Variants in PTPRD observed in about 807,000 individuals in gnomAD.
PTPRD encodes the protein receptor-type tyrosine-protein phosphatase delta.
PTPRD carries 34 observed loss-of-function variants against 214.5 expected under a neutral mutation model. The ratio of observed to expected loss-of-function variants is 0.16; its 90% CI spans 0.12 to 0.21. The LOEUF (loss-of-function observed/expected upper bound fraction) is 0.21, where lower values mean the gene tolerates loss of function less well. Ranked by LOEUF, PTPRD falls within the 10% of genes least tolerant of loss-of-function variation. PTPRD has a pLI of 1.00. For missense variants in PTPRD, 2,545 were observed against 2,398.7 expected (o/e 1.06, Z -1.27); for synonymous variants, 1,128 against 845.7 (o/e 1.33, Z -5.79).
intron 10 of PTPRD, among the ~76,000 whole-genome samples, chr9:9,153,690 T>C (rs916333875): frequency 2.6e-5 from 4 of 152,184 alleles, no homozygotes; most frequent in Non-Finnish European, 4.4e-5. Flanking sequence ...TAATATGAAA[T>C]ATATTTGGTA....
intron 2 of PTPRD, among the ~76,000 whole-genome samples, chr9:10,436,692 A>C (rs997317413): frequency 6.6e-6 from 1 of 151,750 alleles, no homozygotes; most frequent in African/African-American, 2.4e-5. Context: ...AATCAATTAA[A>C]ATTATTTAAA....
chr9:10,269,646 T>A (rs2094306746), intron 3 of PTPRD, among the ~76,000 whole-genome samples: 1 of 152,156 alleles, frequency 6.6e-6, no homozygotes, highest in Non-Finnish European at 1.5e-5. Context: ...CAGAGTGCTG[T>A]CTTGTAGAAA....
intron 3 of PTPRD, among the ~76,000 whole-genome samples, chr9:10,177,957 CCA>C (rs1437256721): frequency 6.6e-6 from 1 of 151,796 alleles, no homozygotes; most frequent in African/African-American, 2.4e-5. Flanking sequence ...TGGGAGCAGT[CCA>C]GAGATAGGTG....
chr9:10,515,691 C>T (rs1312775513), intron 2 of PTPRD, among the ~76,000 whole-genome samples: 1 of 151,966 alleles, frequency 6.6e-6, no homozygotes, highest in Non-Finnish European at 1.5e-5. Flanking sequence ...ATCTCTAGAA[C>T]TTATTCATCT....
chr9:9,716,730 C>T lies in PTPRD; in HGVS notation c.-287+17803G>A, dbSNP rs369909746. 2.6e-5 allele frequency among the ~76,000 whole-genome samples: 4 copies of T among 152,048 alleles called. No individual in the cohort carries two copies. In the South Asian group the frequency reaches 8.3e-4, roughly 32 times the overall value. ...TTTTCTTGTAAATTTGTTTGAGTTCCTTGTAGATTCTGGATATTAGCCCTT... is the reference window on the plus strand; with the variant it reads ...TTTTCTTGTAAATTTGTTTGAGTTCTTTGTAGATTCTGGATATTAGCCCTT... On this transcript the variant is annotated intron_variant, in intron 7 of 45. Transcript: ENST00000381196.
At chr9:8,566,829 T>A (rs1307223679) in intron 14 of PTPRD, among the ~76,000 whole-genome samples, 2 of 152,202 alleles carry the variant, frequency 1.3e-5, no homozygotes, top group Admixed American at 6.5e-5. Flanking sequence ...CAAGGTATAT[T>A]GATGGTCAAA....
chr9:8,914,979 A>G (rs1034829640), intron 11 of PTPRD, among the ~76,000 whole-genome samples: 3 of 152,174 alleles, frequency 2.0e-5, no homozygotes, highest in Admixed American at 2.0e-4. Flanking sequence ...AAAAGGAACT[A>G]AATCACAAAA....
At chr9:9,647,792 C>A (rs1465307715) in intron 7 of PTPRD, among the ~76,000 whole-genome samples, 1 of 151,906 alleles carries the variant, frequency 6.6e-6, no homozygotes, top group Non-Finnish European at 1.5e-5. Context: ...TTGGGTATGC[C>A]CAAAATTTTA....
At chr9:10,263,602 A>C (rs189437330) in intron 3 of PTPRD, among the ~76,000 whole-genome samples, 160 of 152,294 alleles carry the variant, frequency 1.1e-3, no homozygotes, top group African/African-American at 3.7e-3. Flanking sequence ...CTGGCGGAAG[A>C]AATTTCTAGG....
Position 8,503,999 on chromosome 9 carries a change from C to A in PTPRD, c.1822+262G>T, listed in dbSNP as rs118145042. ...CAGGGCTTGATCTAACTCCTTTAAC[C>A]CACATTTCACCCATGGACGTCTACT... On this transcript the variant is annotated intron_variant, in intron 23 of 45. Transcript: ENST00000381196. Among the ~76,000 whole-genome samples, 1,210 of 152,242 alleles carry A rather than the reference C, an allele frequency of 7.9e-3. 6 individuals are homozygous for A. Among genetic ancestry groups the A allele is most frequent in the Non-Finnish European group, 0.011 (779 of 68,020 alleles).
intron 4 of PTPRD, among the ~76,000 whole-genome samples, chr9:10,031,723 G>A (rs1368402404): frequency 6.8e-6 from 1 of 147,578 alleles, no homozygotes; most frequent in African/African-American, 2.6e-5. Context: ...ACGTCTTTAA[G>A]GATTCACAGA....
chr9:9,973,319 A>G (rs2095218983), intron 4 of PTPRD, among the ~76,000 whole-genome samples: 1 of 151,628 alleles, frequency 6.6e-6, no homozygotes, highest in South Asian at 2.1e-4. Flanking sequence ...AAAAAAAAAA[A>G]AAATTACCCA....
intron 9 of PTPRD, among the ~76,000 whole-genome samples, chr9:9,297,123 G>A (rs1255421020): frequency 1.3e-5 from 2 of 151,598 alleles, no homozygotes; most frequent in African/African-American, 2.4e-5. Flanking sequence ...GAGAGTCAGG[G>A]GCCACAGTCT....
chr9:8,547,816 CAT>C (rs1319656888), intron 14 of PTPRD, among the ~76,000 whole-genome samples: 5 of 152,078 alleles, frequency 3.3e-5, no homozygotes, highest in African/African-American at 9.7e-5. Flanking sequence ...GTACAAAGCA[CAT>C]GTTTACATTA....
chr9:9,381,687 T>G (rs528494111), intron 9 of PTPRD, among the ~76,000 whole-genome samples: 17 of 140,370 alleles, frequency 1.2e-4, no homozygotes, highest in Non-Finnish European at 1.7e-4. Context: ...TTTTTTTTTG[T>G]TGTTTTGTTT....
At chr9:8,674,205 A>G (rs2097350827) in intron 12 of PTPRD, among the ~76,000 whole-genome samples, 2 of 152,182 alleles carry the variant, frequency 1.3e-5, no homozygotes, top group African/African-American at 4.8e-5. Flanking sequence ...CATGCCTGTA[A>G]TCCCGGCACT....
At chr9:10,060,241 A>G (rs2097733673) in intron 3 of PTPRD, among the ~76,000 whole-genome samples, 1 of 152,082 alleles carries the variant, frequency 6.6e-6, no homozygotes, top group Admixed American at 6.6e-5. Flanking sequence ...ATAACGTTAA[A>G]TTGAAGGTTT....
intron 8 of PTPRD, among the ~76,000 whole-genome samples, chr9:9,509,217 T>G (rs1417246939): frequency 6.6e-6 from 1 of 151,642 alleles, no homozygotes; most frequent in Admixed American, 6.6e-5. Context: ...TATATCTAAT[T>G]TAATTTAATT....
rs2096976263 is a variant in PTPRD at position 8,485,342 on chromosome 9, A to G, written c.3056-18T>C. 4.4e-6 allele frequency: 7 copies of G among 1,574,858 alleles called. No individual in the cohort carries two copies. In the Middle Eastern group the frequency reaches 1.2e-3, roughly 263 times the overall value. ...TGCAAACACTGCTGGAAAAGGAAAA[A>G]CAGTGTATTTAAACTATTCTTAAAA... On this transcript the variant is annotated intron_variant, in intron 28 of 45. Coordinates refer to ENST00000381196, the MANE Select transcript of PTPRD (RefSeq NM_002839.4).
Sources: gnomAD v4.1 joint callset for allele counts (sites outside exome capture counted in the v4.1 genomes callset) on GRCh38, gnomAD v4.1.1 for gene constraint, MANE v1.5 for transcripts, NCBI Gene and HGNC (gene_info 2026-07-23, HGNC 2026-07-21) for gene names.